Variants in CNBD1 observed in about 807,000 individuals in gnomAD.
CNBD1 encodes cyclic nucleotide-binding domain-containing protein 1.
In CNBD1, 71 loss-of-function variants were observed where a neutral mutation model predicts 54.4. The ratio of observed to expected loss-of-function variants is 1.30; its 90% CI spans 1.08 to 1.59. The LOEUF (loss-of-function observed/expected upper bound fraction) is 1.59, where lower values mean the gene tolerates loss of function less well. CNBD1 is among the 40% of genes most tolerant of loss of function. The pLI, the probability that CNBD1 is intolerant of heterozygous loss-of-function variation, is 0.00. For synonymous variants in CNBD1, 182 were observed against 170.7 expected (o/e 1.07, Z -0.51); for missense variants, 659 against 518.0 (o/e 1.27, Z -2.64).
rs2878854 is a variant in CNBD1, at chr8:87,244,795, C to A, written c.771+7683C>A. Among the ~76,000 whole-genome samples, 457 of 152,026 alleles carry A rather than the reference C, an allele frequency of 3.0e-3. 2 individuals carry two copies. The highest frequency in any genetic ancestry group is 0.011 in the African/African-American group (436 of 41,456). On this transcript the variant is annotated intron_variant, in intron 6 of 10. Transcript: ENST00000518476. ...CAATAAGAATAAATTAAATTAAATC[C>A]AGTTAAATTTAATTAGACAGAGACT...
intron 8 of CNBD1, among the ~76,000 whole-genome samples, chr8:87,305,135 G>A (rs1039448799): frequency 3.3e-5 from 5 of 151,850 alleles, no homozygotes; most frequent in African/African-American, 9.7e-5. Flanking sequence ...GAATAAAATC[G>A]AGAACTCAAC....
chr8:87,074,955 T>C (rs1285264375), intron 4 of CNBD1, among the ~76,000 whole-genome samples: 2 of 152,234 alleles, frequency 1.3e-5, no homozygotes, highest in Non-Finnish European at 2.9e-5. Context: ...AGCAGAGATC[T>C]TGGCTCTTTC....
chr8:87,026,749 T>C (rs1809654749), intron 4 of CNBD1, among the ~76,000 whole-genome samples: 1 of 152,216 alleles, frequency 6.6e-6, no homozygotes, highest in South Asian at 2.1e-4. Context: ...CCTTGTTTCA[T>C]AAATAACCTT....
chr8:87,140,958 C>G (rs1245688376), intron 4 of CNBD1, among the ~76,000 whole-genome samples: 1 of 151,928 alleles, frequency 6.6e-6, no homozygotes. Context: ...CTTTTGTTTT[C>G]TTTAGCGAAT....
chr8:86,876,533 A>T, intron 1 of CNBD1, among the ~76,000 whole-genome samples: 1 of 147,966 alleles, frequency 6.8e-6, no homozygotes, highest in Admixed American at 6.7e-5. Flanking sequence ...TACTTTCTAT[A>T]TTTTTTCTGT....
chr8:87,206,853 A>G (rs1455527150), intron 5 of CNBD1, among the ~76,000 whole-genome samples: 1 of 152,210 alleles, frequency 6.6e-6, no homozygotes, highest in Non-Finnish European at 1.5e-5. Context: ...ACCCCGAGGC[A>G]CAAATATCAC....
At chr8:87,366,724 G>A (rs527848931) in intron 10 of CNBD1, among the ~76,000 whole-genome samples, 1 of 151,984 alleles carries the variant, frequency 6.6e-6, no homozygotes, top group East Asian at 1.9e-4. Context: ...AGCATGACAG[G>A]TATCTCTGCT....
chr8:87,405,090 AAAT>A (rs1807630625), intron 2 of CNBD1, among the ~76,000 whole-genome samples: 1 of 152,080 alleles, frequency 6.6e-6, no homozygotes, highest in South Asian at 2.1e-4. Context: ...TTTGGAAAGA[AAAT>A]AAGTGATTCT....
At position 87,274,039 on chromosome 8, in the gene CNBD1, C is replaced by T. The variant is rs867668753; in HGVS notation, c.772-10639C>T. The stretch of plus-strand genomic sequence containing the variant: ...TGCGGTGTTTGGTTTTTTGTTCTTG[C>T]GATAGTTTACTGAGAATGATGATTT... On this transcript the variant is annotated intron_variant, in intron 6 of 10. Coordinates refer to ENST00000518476, the MANE Select transcript of CNBD1 (RefSeq NM_173538.3). Among the ~76,000 whole-genome samples the T allele has an allele frequency of 1.1e-3, 166 of 151,076 alleles. 1 individual carries two copies. The highest frequency in any genetic ancestry group is 1.5e-3 in the Non-Finnish European group (104 of 67,820).
intron 4 of CNBD1, among the ~76,000 whole-genome samples, chr8:87,136,590 ATATAT>A (rs1279957797): frequency 1.4e-4 from 10 of 70,376 alleles, no homozygotes; most frequent in Admixed American, 2.7e-4. Flanking sequence ...TATATAAATT[ATATAT>A]TATATTTATA....
chr8:87,036,313 G>A (rs759413654), intron 4 of CNBD1, among the ~76,000 whole-genome samples: 9 of 151,726 alleles, frequency 5.9e-5, no homozygotes, highest in African/African-American at 1.2e-4. Context: ...GATTGGTCAC[G>A]GCCAGGCACG....
At chr8:87,424,832 G>A (rs905742421) in intron 2 of CNBD1, among the ~76,000 whole-genome samples, 17 of 152,032 alleles carry the variant, frequency 1.1e-4, no homozygotes, top group Non-Finnish European at 1.9e-4. Flanking sequence ...TATCTTTGTG[G>A]CATTCTCTGT....
intron 4 of CNBD1, among the ~76,000 whole-genome samples, chr8:87,160,842 G>T (rs943989836): frequency 6.6e-6 from 1 of 152,018 alleles, no homozygotes; most frequent in South Asian, 2.1e-4. Flanking sequence ...ATGTATTATC[G>T]TGGAGAACAC....
At chr8:86,966,973 G>A (rs77081744) in intron 4 of CNBD1, among the ~76,000 whole-genome samples, 14 of 152,124 alleles carry the variant, frequency 9.2e-5, no homozygotes, top group South Asian at 4.1e-4. Context: ...TGATTGGTCC[G>A]TTTTACAGAG....
chr8:87,349,686 T>G (rs1196987093), intron 8 of CNBD1, among the ~76,000 whole-genome samples: 1 of 152,204 alleles, frequency 6.6e-6, no homozygotes, highest in Non-Finnish European at 1.5e-5. Context: ...GAATATATGA[T>G]TTTTATATGT....
At chr8:87,354,356 G>A (rs752889332) in intron 10 of CNBD1, among the ~76,000 whole-genome samples, 16 of 152,008 alleles carry the variant, frequency 1.1e-4, no homozygotes, top group African/African-American at 3.9e-4. Flanking sequence ...TCCCAGGCAG[G>A]GACCTGGGCC....
chr8:87,110,859 A>T (rs1811647674), intron 4 of CNBD1, among the ~76,000 whole-genome samples: 1 of 152,206 alleles, frequency 6.6e-6, no homozygotes. Context: ...ATGGAAAAGG[A>T]TGCATTTGTC....
chr8:86,963,036 A>G (rs1229356464), intron 4 of CNBD1, among the ~76,000 whole-genome samples: 1 of 152,170 alleles, frequency 6.6e-6, no homozygotes, highest in Non-Finnish European at 1.5e-5. Context: ...CCATCTGGAA[A>G]GAGGAGTAAA....
At chr8:87,294,119 C>G (rs1808832638) in intron 8 of CNBD1, among the ~76,000 whole-genome samples, 1 of 151,950 alleles carries the variant, frequency 6.6e-6, no homozygotes, top group African/African-American at 2.4e-5. Context: ...GAGAGAGGTA[C>G]TAGAAAACCA....
Sources: gnomAD v4.1 joint callset for allele counts (sites outside exome capture counted in the v4.1 genomes callset) on GRCh38, gnomAD v4.1.1 for gene constraint, MANE v1.5 for transcripts, NCBI Gene and HGNC (gene_info 2026-07-23, HGNC 2026-07-21) for gene names.